The following PLEKHA7 variants were observed in gnomAD, a reference collection of about 807,000 sequenced individuals.
PLEKHA7 encodes pleckstrin homology domain-containing family A member 7.
Under a neutral mutation model 170.0 loss-of-function variants are expected in PLEKHA7, and 104 were observed. That is an observed-to-expected ratio of 0.61 (90% CI 0.52 to 0.72). The LOEUF (loss-of-function observed/expected upper bound fraction) is 0.72, where lower values mean the gene tolerates loss of function less well. Among genes scored for constraint, PLEKHA7 ranks in the 30% least tolerant of loss-of-function variants. PLEKHA7 has a pLI of 0.00. For synonymous variants in PLEKHA7, 648 were observed against 660.8 expected, an observed-to-expected ratio of 0.98 and a Z score of 0.30; for missense variants, 1,615 against 1,671.7, an observed-to-expected ratio of 0.97 and a Z score of 0.59.
At chr11:16,916,509 A>T (rs1195579354) in intron 3 of PLEKHA7, among the ~76,000 whole-genome samples, 2 of 152,236 alleles carry the variant, frequency 1.3e-5, no homozygotes, top group Non-Finnish European at 2.9e-5. Flanking sequence ...TGAGGAAAAC[A>T]GTCCCTACCT....
At chr11:16,906,236 AAGGAAGGAAGGAAG>A (rs1857661138) in intron 3 of PLEKHA7, among the ~76,000 whole-genome samples, 1 of 64,720 alleles carries the variant, frequency 1.5e-5, no homozygotes, top group Non-Finnish European at 3.9e-5. Context: ...GGAAGGAAGG[AAGGAAGGAAGGAAG>A]GAAGGAAGGA....
At chr11:16,854,309 C>G (rs1451720042) in intron 6 of PLEKHA7, among the ~76,000 whole-genome samples, 1 of 152,146 alleles carries the variant, frequency 6.6e-6, no homozygotes, top group Non-Finnish European at 1.5e-5. Flanking sequence ...TGACTGAATG[C>G]ATGTCGGGGA....
intron 3 of PLEKHA7, among the ~76,000 whole-genome samples, chr11:16,957,191 T>C (rs976486577): frequency 2.0e-5 from 3 of 152,224 alleles, no homozygotes; most frequent in Non-Finnish European, 4.4e-5. Flanking sequence ...CAAGAATACA[T>C]GTTCTTGTTA....
intron 24 of PLEKHA7, among the ~76,000 whole-genome samples, chr11:16,785,176 A>G (rs1261681917): frequency 6.6e-6 from 1 of 152,242 alleles, no homozygotes; most frequent in Non-Finnish European, 1.5e-5. Flanking sequence ...TTGGCAAATC[A>G]GCTTGTGAAT....
At chr11:16,965,067 G>A (rs1388678996) in intron 3 of PLEKHA7, among the ~76,000 whole-genome samples, 1 of 151,840 alleles carries the variant, frequency 6.6e-6, no homozygotes, top group Non-Finnish European at 1.5e-5. Context: ...CCAGCACTTT[G>A]GGTGGCCGAG....
At chr11:16,818,999 T>C (rs1291159698) in intron 10 of PLEKHA7, among the ~76,000 whole-genome samples, 1 of 151,422 alleles carries the variant, frequency 6.6e-6, no homozygotes, top group African/African-American at 2.4e-5. Flanking sequence ...GAGACAGGGT[T>C]TCACTGTGTT....
intron 3 of PLEKHA7, among the ~76,000 whole-genome samples, chr11:16,886,222 T>C (rs1327986793): frequency 6.6e-6 from 1 of 152,094 alleles, no homozygotes; most frequent in South Asian, 2.1e-4. Context: ...AGATGCCACC[T>C]GGAACAAGAT....
chr11:16,883,782 T>C (rs983952236), intron 3 of PLEKHA7, among the ~76,000 whole-genome samples: 5 of 152,288 alleles, frequency 3.3e-5, no homozygotes, highest in Admixed American at 6.5e-5. Context: ...AATTGTAACA[T>C]AGAGGAATTA....
rs758547508 is a variant in PLEKHA7, at chr11:16,789,708, C to T, written c.3156+67G>A. ...GCTGAAGGGATGGCCAGTTACTGTC[C>T]CCCTGGGAGACCCTCCCTCCCCATG... On this transcript the variant is annotated intron_variant, in intron 22 of 26. Transcript: ENST00000531066. The surrounding 1 kb of genome is among the most constrained non-coding windows in gnomAD (Gnocchi z 4.6). The T allele has an allele frequency of 4.3e-6, 6 of 1,409,262 alleles. No individual in the cohort carries two copies. The highest frequency in any genetic ancestry group is 6.0e-6 in the Non-Finnish European group (6 of 1,007,610). The allele number at this position is 1,409,262 out of a possible 1,614,324, so 87.3% of individuals were successfully genotyped here. A position where few individuals can be genotyped will look rare whatever the true frequency, so the allele number is the denominator to read the frequency against.
chr11:16,807,711 C>T (rs1162813031), intron 13 of PLEKHA7, among the ~76,000 whole-genome samples: 1 of 152,202 alleles, frequency 6.6e-6, no homozygotes, highest in African/African-American at 2.4e-5. Context: ...TTATGTCTTA[C>T]CCATGGTCCC....
chr11:16,813,660 T>C (rs930787975), intron 12 of PLEKHA7, among the ~76,000 whole-genome samples: 1 of 151,820 alleles, frequency 6.6e-6, no homozygotes, highest in African/African-American at 2.4e-5. Flanking sequence ...ACCCAGGAGG[T>C]CCCAATACGA....
chr11:16,951,406 T>C lies in PLEKHA7; in HGVS notation c.221+62583A>G, dbSNP rs116698959. ...AGACAACAACAATAACGGTGCATTC[T>C]ACCAAGCACTTACCACGAACTGGGC... On this transcript the variant is annotated intron_variant, in intron 3 of 26. Coordinates refer to ENST00000531066, the MANE Select transcript of PLEKHA7 (RefSeq NM_001329630.2). 3.9e-3 allele frequency among the ~76,000 whole-genome samples: 589 copies of C among 152,350 alleles called. 3 individuals carry two copies. Among genetic ancestry groups the C allele is most frequent in the African/African-American group, 0.012 (511 of 41,582 alleles).
Position 16,963,239 on chromosome 11 carries a change from T to C in PLEKHA7, c.221+50750A>G, listed in dbSNP as rs535537740. Reference sequence around the variant, plus strand: ...TGACCTATAACCATATTTGGTATTTTCTAGACTTCAGCATCTTTTATTTTT... The same window carrying C: ...TGACCTATAACCATATTTGGTATTTCCTAGACTTCAGCATCTTTTATTTTT... On this transcript the variant is annotated intron_variant, in intron 3 of 26. Transcript: ENST00000531066. 1.8e-4 allele frequency among the ~76,000 whole-genome samples: 28 copies of C among 152,370 alleles called. No homozygotes were observed. The South Asian group carries it at 2.1e-3, about 11-fold the overall frequency.
intron 3 of PLEKHA7, among the ~76,000 whole-genome samples, chr11:16,985,793 G>A (rs1863691672): frequency 1.3e-5 from 2 of 152,224 alleles, no homozygotes; most frequent in Admixed American, 6.5e-5. Flanking sequence ...TGGCAAGAGA[G>A]GATGCTAGCA....
chr11:16,800,607 G>A (rs1352240120), intron 17 of PLEKHA7, among the ~76,000 whole-genome samples: 1 of 152,218 alleles, frequency 6.6e-6, no homozygotes, highest in Non-Finnish European at 1.5e-5. Flanking sequence ...ACTTCCTGCT[G>A]CTGTCTAAGT....
chr11:16,781,954 G>C (rs899026588), intron 26 of PLEKHA7, among the ~76,000 whole-genome samples: 7 of 152,066 alleles, frequency 4.6e-5, no homozygotes, highest in Admixed American at 3.9e-4. Context: ...TGCACTGGGG[G>C]AGAAATGGTA....
Position 16,976,405 on chromosome 11 carries a change from C to T in PLEKHA7, c.221+37584G>A, listed in dbSNP as rs146415225. ...ATAGTCTACCCTATTCCCCTTGTTTCCTCCAGCACCCCTCTTCCCTCACTC... is the reference window on the plus strand; with the variant it reads ...ATAGTCTACCCTATTCCCCTTGTTTTCTCCAGCACCCCTCTTCCCTCACTC... On this transcript the variant is annotated intron_variant, in intron 3 of 26. Transcript: ENST00000531066. 3.6e-3 allele frequency among the ~76,000 whole-genome samples: 543 copies of T among 152,336 alleles called. 1 individual carries two copies. The highest frequency in any genetic ancestry group is 5.2e-3 in the Non-Finnish European group (354 of 68,026).
chr11:16,938,257 G>A (rs888937238), intron 3 of PLEKHA7, among the ~76,000 whole-genome samples: 1 of 152,126 alleles, frequency 6.6e-6, no homozygotes, highest in African/African-American at 2.4e-5. Flanking sequence ...CCTTGCTGGT[G>A]TGTTACCCTA....
chr11:16,995,479 T>G (rs1415260812), intron 3 of PLEKHA7, among the ~76,000 whole-genome samples: 1 of 152,134 alleles, frequency 6.6e-6, no homozygotes, highest in African/African-American at 2.4e-5. Context: ...ACACCAAGTC[T>G]TCTGAGACTC....
Sources: allele counts gnomAD v4.1 joint callset (sites outside exome capture counted in the v4.1 genomes callset), GRCh38; gene constraint gnomAD v4.1.1; non-coding constraint Gnocchi (gnomAD v3.1); transcripts MANE v1.5; gene names NCBI Gene and HGNC (gene_info 2026-07-23, HGNC 2026-07-21).